The following PTDSS1 variants were observed in gnomAD, a reference collection of about 807,000 sequenced individuals.
The protein encoded by PTDSS1 is phosphatidylserine synthase 1.
A neutral mutation model predicts 70.5 loss-of-function variants in PTDSS1; 45 were observed. That is an observed-to-expected ratio of 0.64 (90% CI 0.50 to 0.82). PTDSS1 has a LOEUF of 0.82. Ranked by LOEUF, PTDSS1 falls within the 40% of genes least tolerant of loss-of-function variation. PTDSS1 has a pLI of 0.00. For missense variants in PTDSS1, 417 were observed against 586.1 expected, an observed-to-expected ratio of 0.71 and a Z score of 2.98; for synonymous variants, 188 against 203.8, an observed-to-expected ratio of 0.92 and a Z score of 0.66.
At chr8:96,274,183 C>T (rs1486825685) in intron 2 of PTDSS1, among the ~76,000 whole-genome samples, 1 of 151,374 alleles carries the variant, frequency 6.6e-6, no homozygotes, top group South Asian at 2.1e-4. Context: ...GGAAATTGTT[C>T]CAGTCTTTCT....
Position 96,279,112 on chromosome 8 carries a change from A to G in PTDSS1, c.272-4997A>G, listed in dbSNP as rs140221790. ...CAGCCTGCTGAGTAGCTGGGATTAC[A>G]GGTGCATGCCACCACGCCCAGCTAA... is the stretch of plus-strand genomic sequence containing the variant. On this transcript the variant is annotated intron_variant, in intron 2 of 12. Coordinates refer to ENST00000517309, the MANE Select transcript of PTDSS1 (RefSeq NM_014754.3). Among the ~76,000 whole-genome samples, 1,017 of 151,386 alleles carry G rather than the reference A, an allele frequency of 6.7e-3. 11 individuals carry two copies. The highest frequency in any genetic ancestry group is 0.023 in the African/African-American group (954 of 41,228).
At position 96,280,830 on chromosome 8, in the gene PTDSS1, A is replaced by G. The variant is rs903414795; in HGVS notation, c.272-3279A>G. 2.6e-5 allele frequency among the ~76,000 whole-genome samples: 4 copies of G among 152,326 alleles called. 1 individual carries two copies. Among genetic ancestry groups the G allele is most frequent in the Non-Finnish European group, 2.9e-5 (2 of 68,032 alleles). On this transcript the variant is annotated intron_variant, in intron 2 of 12. Coordinates refer to ENST00000517309, the MANE Select transcript of PTDSS1 (RefSeq NM_014754.3). ...GTAGGAACTCCTGTGGAAAGCAACC[A>G]TGAGGCTGAGCCCTTCTAATAACCT...
chr8:96,333,436 T>C (rs1811546725), intron 12 of PTDSS1, 21 bp from the exon 13 acceptor site: 1 of 1,587,662 alleles, frequency 6.3e-7, no homozygotes, highest in Admixed American at 1.7e-5. Flanking sequence ...GGTGACGGTG[T>C]GCTCTGATTC....
At position 96,333,437 on chromosome 8, in the gene PTDSS1, G is replaced by T. The variant is rs1029660528; in HGVS notation, c.1313-20G>T. 6.3e-7 allele frequency: 1 copy of T among 1,592,300 alleles called. No homozygotes were observed. Among genetic ancestry groups the T allele is most frequent in the Non-Finnish European group, 8.6e-7 (1 of 1,160,316 alleles). The stretch of plus-strand genomic sequence containing the variant: ...TCTCCAGAGCCCAGGGTGACGGTGT[G>T]CTCTGATTCCTTTGGCCAGGTTCTG... On this transcript the variant is annotated intron_variant, in intron 12 of 12. Transcript: ENST00000517309.
At chr8:96,277,860 A>T (rs190113013) in intron 2 of PTDSS1, among the ~76,000 whole-genome samples, 103 of 152,384 alleles carry the variant, frequency 6.8e-4, no homozygotes, top group African/African-American at 2.4e-3. Flanking sequence ...TATAATAGTC[A>T]GGATGCTTTT....
chr8:96,330,422 G>T (rs973231533), intron 11 of PTDSS1, 141 bp downstream of exon 11: 2 of 764,654 alleles, frequency 2.6e-6, no homozygotes, highest in Non-Finnish European at 2.2e-6. Context: ...TGCAGAAACC[G>T]CATGTCACAA....
chr8:96,317,094 G>A (rs1260149380), intron 9 of PTDSS1, among the ~76,000 whole-genome samples: 1 of 151,556 alleles, frequency 6.6e-6, no homozygotes, highest in Admixed American at 6.6e-5. Flanking sequence ...GAGAGAGAGA[G>A]AGACAGAGAG....
At chr8:96,283,870 T>TA (rs1810782146) in intron 2 of PTDSS1, 3 of 450,734 alleles carry the variant, frequency 6.7e-6, no homozygotes, top group East Asian at 3.8e-5. Flanking sequence ...CAAAGCTTTA[T>TA]AAAAAATCTC....
intron 1 of PTDSS1, among the ~76,000 whole-genome samples, chr8:96,265,829 C>T (rs536905429): frequency 2.0e-4 from 31 of 152,332 alleles, no homozygotes; most frequent in East Asian, 5.8e-4. Flanking sequence ...CAATGGCTTA[C>T]GCCGGTAATC....
At chr8:96,314,973 A>G (rs1274277720) in intron 9 of PTDSS1, among the ~76,000 whole-genome samples, 1 of 152,130 alleles carries the variant, frequency 6.6e-6, no homozygotes, top group African/African-American at 2.4e-5. Flanking sequence ...TATCTAAACG[A>G]GTAAGCAGAA....
rs998659211 is a variant in PTDSS1 at position 96,328,366 on chromosome 8, C to T, written c.1174-1847C>T. Among the ~76,000 whole-genome samples the T allele has an allele frequency of 1.8e-4, 27 of 152,226 alleles. 1 individual carries two copies. Among genetic ancestry groups the T allele is most frequent in the African/African-American group, 6.0e-4 (25 of 41,466 alleles). ...TCATTTCTAGTCCTTCCCACTCTTT[C>T]CATGCCATGAAAATGGCACACTTAA... is the stretch of plus-strand genomic sequence containing the variant. On this transcript the variant is annotated intron_variant, in intron 10 of 12. Coordinates refer to ENST00000517309, the MANE Select transcript of PTDSS1 (RefSeq NM_014754.3).
chr8:96,307,657 T>G (rs1226240718), intron 8 of PTDSS1, among the ~76,000 whole-genome samples: 1 of 152,108 alleles, frequency 6.6e-6, no homozygotes, highest in East Asian at 1.9e-4. Context: ...ATAAATCCTG[T>G]TTTTTCTTAA....
rs150341591 is a variant in PTDSS1, at chr8:96,313,395, G to A, written c.1073+3773G>A. 6.0e-3 allele frequency among the ~76,000 whole-genome samples: 909 copies of A among 152,312 alleles called. 13 individuals are homozygous for A. Among genetic ancestry groups the A allele is most frequent in the African/African-American group, 0.021 (862 of 41,566 alleles). On this transcript the variant is annotated intron_variant, in intron 9 of 12. Transcript: ENST00000517309. ...ATGTCACATGATGTTCCTTCAGCTC[G>A]GTGGGAGTTTTGGGGCCAGACTGAT... is the stretch of plus-strand genomic sequence containing the variant.
intron 4 of PTDSS1, among the ~76,000 whole-genome samples, chr8:96,294,402 G>C (rs1810946826): frequency 6.6e-6 from 1 of 152,090 alleles, no homozygotes; most frequent in South Asian, 2.1e-4. Context: ...TTGTCATGCA[G>C]TCATATGATA....
intron 1 of PTDSS1, among the ~76,000 whole-genome samples, chr8:96,270,905 T>G (rs1011256351): frequency 6.6e-6 from 1 of 152,252 alleles, no homozygotes; most frequent in Non-Finnish European, 1.5e-5. Context: ...TTTTACAACC[T>G]AATATATTAC....
intron 10 of PTDSS1, 99 bp downstream of exon 10, chr8:96,320,444 T>G: frequency 1.9e-6 from 2 of 1,036,222 alleles, no homozygotes; most frequent in Non-Finnish European, 2.9e-6. Context: ...TCAAAGTTCC[T>G]TAGAAATTCA....
At chr8:96,331,658 G>A (rs1811518356) in intron 12 of PTDSS1, among the ~76,000 whole-genome samples, 1 of 152,112 alleles carries the variant, frequency 6.6e-6, no homozygotes, top group African/African-American at 2.4e-5. Flanking sequence ...TGTAAGAAGA[G>A]GCTCCATGTA....
rs1236051681 is a variant in PTDSS1, at chr8:96,262,851, A to G, written c.179+632A>G. ...ACTTCCCCCAGCCTCAAACACTACCATCTGTACCACGGCACAAACTGCCAC... is the reference window on the plus strand; with the variant it reads ...ACTTCCCCCAGCCTCAAACACTACCGTCTGTACCACGGCACAAACTGCCAC... On this transcript the variant is annotated intron_variant, in intron 1 of 12. Transcript: ENST00000517309. The surrounding 1 kb of genome is among the most constrained non-coding windows in gnomAD (Gnocchi z 4.4). Among the ~76,000 whole-genome samples the G allele has an allele frequency of 6.6e-6, 1 of 152,092 alleles. No individual in the cohort carries two copies. The highest frequency in any genetic ancestry group is 2.4e-5 in the African/African-American group (1 of 41,390).
At position 96,306,362 on chromosome 8, in the gene PTDSS1, A is replaced by G. The variant is rs2271774; in HGVS notation, c.895-82A>G. On this transcript the variant is annotated intron_variant, in intron 7 of 12. Coordinates refer to ENST00000517309, the MANE Select transcript of PTDSS1 (RefSeq NM_014754.3). ...GCTTTGAACATACCAATTATTTCTA[A>G]TTGTAGAATGTCTATTTAAGGAATA... 7,013 of 992,452 alleles carry G rather than the reference A, an allele frequency of 7.1e-3. 146 individuals are homozygous for G. The highest frequency in any genetic ancestry group is 0.046 in the East Asian group (1,912 of 41,824). The allele number at this position is 992,452 out of a possible 1,614,324, so 61.5% of individuals were successfully genotyped here.
Sources: gnomAD v4.1 joint callset for allele counts (sites outside exome capture counted in the v4.1 genomes callset) on GRCh38, gnomAD v4.1.1 for gene constraint, Gnocchi (gnomAD v3.1) non-coding constraint, MANE v1.5 for transcripts, NCBI Gene and HGNC (gene_info 2026-07-23, HGNC 2026-07-21) for gene names.